Variants in PCDHAC1 observed in about 807,000 individuals in gnomAD.
PCDHAC1 encodes the protein protocadherin alpha subfamily C, 1, also known as protocadherin alpha-C1.
In PCDHAC1, 42 loss-of-function variants were observed where a neutral mutation model predicts 60.0. That is an observed-to-expected ratio of 0.70 (90% CI 0.55 to 0.90). PCDHAC1 has a LOEUF of 0.90. Ranked by LOEUF, PCDHAC1 falls within the 40% of genes least tolerant of loss-of-function variation. The pLI is 0.00. For synonymous variants in PCDHAC1, 468 were observed against 499.3 expected (o/e 0.94, Z 0.84); for missense variants, 1,160 against 1,222.3 (o/e 0.95, Z 0.76).
At chr5:141,009,501 C>G in intron 3 of PCDHAC1, 126 bp from the exon 4 acceptor site, 2 of 1,492,598 alleles carry the variant, frequency 1.3e-6, no homozygotes, top group Non-Finnish European at 1.8e-6. Context: ...CAGACTTGAA[C>G]AAACAACTCG....
rs1411970319 is a variant in PCDHAC1, at chr5:140,927,470, G to A, written c.578G>A (p.Arg193His). The A allele has an allele frequency of 4.3e-6, 7 of 1,614,054 alleles. 1 individual carries two copies. The highest frequency in any genetic ancestry group is 3.3e-5 in the South Asian group (3 of 91,088). ...PELVLEKALD[R>H]EQRATHLLVL... ...TTGGTGTTGGAGAAAGCACTGGATC[G>A]CGAACAGCGCGCCACCCACCTGCTG... Residue 193 changes from arginine (R) to histidine (H), a missense_variant, in exon 1 of 4, where the codon CGC becomes CAC. By Grantham distance (29) the Arg-to-His change is conservative. Around this residue, in one of 3 missense-constraint regions of PCDHAC1, gnomAD observed 1,113 missense variants for 1,163.7 expected, o/e 0.96. Transcript: ENST00000253807.
At chr5:140,931,405 G>C (rs1395168165) in intron 1 of PCDHAC1, among the ~76,000 whole-genome samples, 1 of 151,984 alleles carries the variant, frequency 6.6e-6, no homozygotes, top group South Asian at 2.1e-4. Flanking sequence ...CGATAGGAAG[G>C]CTGATGAATC....
chr5:140,946,374 C>T (rs1371899868), intron 1 of PCDHAC1, among the ~76,000 whole-genome samples: 5 of 151,656 alleles, frequency 3.3e-5, no homozygotes, highest in African/African-American at 9.7e-5. Flanking sequence ...CTCTTGCACA[C>T]GGTTGGTAGG....
chr5:140,935,835 A>G (rs1405712064), intron 1 of PCDHAC1, among the ~76,000 whole-genome samples: 3 of 151,830 alleles, frequency 2.0e-5, no homozygotes, highest in Admixed American at 6.6e-5. Flanking sequence ...CACATATTCC[A>G]TACTGCTTAA....
chr5:140,941,685 A>G (rs983394705), intron 1 of PCDHAC1, among the ~76,000 whole-genome samples: 2 of 151,952 alleles, frequency 1.3e-5, no homozygotes, highest in Non-Finnish European at 2.9e-5. Flanking sequence ...TATTCTGTTT[A>G]CCTCTTTGGG....
chr5:140,948,240 T>C (rs1554218495), intron 1 of PCDHAC1, among the ~76,000 whole-genome samples: 1 of 151,684 alleles, frequency 6.6e-6, no homozygotes, highest in East Asian at 1.9e-4. Flanking sequence ...TGTATTTTAG[T>C]AAATATTTTT....
At chr5:141,006,192 G>A (rs2098259902) in intron 3 of PCDHAC1, among the ~76,000 whole-genome samples, 1 of 150,138 alleles carries the variant, frequency 6.7e-6, no homozygotes, top group African/African-American at 2.5e-5. Context: ...TTTGCTATAT[G>A]TATGTTATGC....
chr5:140,941,462 C>T (rs1323217881), intron 1 of PCDHAC1, among the ~76,000 whole-genome samples: 1 of 150,980 alleles, frequency 6.6e-6, no homozygotes, highest in Non-Finnish European at 1.5e-5. Context: ...ATTACAGGCG[C>T]CCACCACCAC....
At chr5:140,959,506 A>G (rs1554224114) in intron 1 of PCDHAC1, among the ~76,000 whole-genome samples, 6 of 152,226 alleles carry the variant, frequency 3.9e-5, no homozygotes. Flanking sequence ...AAACTAAAAA[A>G]TTTTAAGATC....
At position 141,010,305 on chromosome 5, in the gene PCDHAC1, G is replaced by GT; in HGVS notation, c.*372dup. 1 of 1,548,478 alleles carries GT rather than the reference G, an allele frequency of 6.5e-7. No homozygotes were observed. Among genetic ancestry groups the GT allele is most frequent in the Non-Finnish European group, 8.7e-7 (1 of 1,146,036 alleles). On this transcript the variant is annotated 3_prime_UTR_variant, in exon 4 of 4. Transcript: ENST00000253807. ...TGACACTTGCAGGGCAGGCTGAAAAGTTTTGAGATTGAGCAGCTTGGGAGT... is the reference window on the plus strand; with the variant it reads ...TGACACTTGCAGGGCAGGCTGAAAAGTTTTTGAGATTGAGCAGCTTGGGAGT...
intron 1 of PCDHAC1, chr5:140,969,200 G>C (rs2096305926): frequency 1.2e-6 from 2 of 1,614,132 alleles, no homozygotes; most frequent in Non-Finnish European, 1.7e-6. Flanking sequence ...TTACAATACA[G>C]GGGCCCAGAC....
rs937740656 is a variant in PCDHAC1 at position 140,926,825 on chromosome 5, G to T, written c.-68G>T. ...TCCCCGCGGCTCGTGCTCTCCAGGA[G>T]TCCGGAGCATGGTCCTGGGTCACCG... On this transcript the variant is annotated 5_prime_UTR_variant, in exon 1 of 4. Coordinates refer to ENST00000253807, the MANE Select transcript of PCDHAC1 (RefSeq NM_018898.5). 2 of 1,499,696 alleles carry T rather than the reference G, an allele frequency of 1.3e-6. No homozygotes were observed. Among genetic ancestry groups the T allele is most frequent in the Admixed American group, 4.7e-5 (2 of 42,526 alleles). The allele number at this position is 1,499,696 out of a possible 1,614,324, so 92.9% of individuals were successfully genotyped here. A position where few individuals can be genotyped will look rare whatever the true frequency, so the allele number is the denominator to read the frequency against.
rs2084491623 is a variant in PCDHAC1 at position 140,927,676 on chromosome 5, G to A, written c.784G>A (p.Glu262Lys). Residue 262 changes from glutamate to lysine, a missense_variant, in exon 1 of 4, where the codon GAA becomes AAA. Around this residue, in one of 3 missense-constraint regions of PCDHAC1, gnomAD observed 1,113 missense variants for 1,163.7 expected, o/e 0.96. Transcript: ENST00000253807. ...CCGAGTTCAAGCCTTGGATCCAGAT[G>A]AAGGGTCCAATGGGGAAGTCCAGTA... ...LFRVQALDPD[E>K]GSNGEVQYSL... 6.2e-7 allele frequency: 1 copy of A among 1,614,192 alleles called. No homozygotes were observed. Among genetic ancestry groups the A allele is most frequent in the South Asian group, 1.1e-5 (1 of 91,080 alleles).
chr5:141,005,339 T>C (rs920058303), intron 3 of PCDHAC1, among the ~76,000 whole-genome samples: 5 of 151,926 alleles, frequency 3.3e-5, no homozygotes, highest in African/African-American at 9.7e-5. Context: ...GCCAAGGGGG[T>C]GCTGCTTGGC....
rs782224079 is a variant in PCDHAC1, at chr5:140,928,160, C to G, written c.1268C>G (p.Pro423Arg). Residue 423 changes from proline (P) to arginine (R), a missense_variant, in exon 1 of 4, where the codon CCC (proline) becomes CGC (arginine). This residue lies in a region of PCDHAC1 where 1,113 missense variants were observed against 1,163.7 expected (regional missense o/e 0.96). Transcript: ENST00000253807. ...VLITASDSGS[P>R]PLSTRRTITV... is the part of the protein sequence containing the mutation. ...ATCACGGCCTCAGATAGTGGCTCACCCCCACTTAGCACCCGAAGGACAATC... is the reference window on the plus strand; with the variant it reads ...ATCACGGCCTCAGATAGTGGCTCACGCCCACTTAGCACCCGAAGGACAATC... 6.2e-7 allele frequency: 1 copy of G among 1,614,096 alleles called. No homozygotes were observed. The highest frequency in any genetic ancestry group is 8.5e-7 in the Non-Finnish European group (1 of 1,180,010).
rs370676797 is a variant in PCDHAC1, at chr5:141,009,968, A to G, written c.*31A>G. On this transcript the variant is annotated 3_prime_UTR_variant, in exon 4 of 4. Transcript: ENST00000253807. ...TCAAATGGAAACAAGCCACTTAGCC[A>G]GTTTTTGTAATAATGGCAAATCTCT... 1.4e-5 allele frequency: 22 copies of G among 1,586,626 alleles called. No homozygotes were observed. The highest frequency in any genetic ancestry group is 1.6e-5 in the Non-Finnish European group (19 of 1,169,786).
At chr5:140,949,825 C>G (rs1321892793) in intron 1 of PCDHAC1, among the ~76,000 whole-genome samples, 2 of 151,748 alleles carry the variant, frequency 1.3e-5, no homozygotes, top group African/African-American at 4.8e-5. Flanking sequence ...TATTTGTCCC[C>G]TCTGATTTTG....
intron 1 of PCDHAC1, chr5:140,966,628 C>G (rs944715570): frequency 7.9e-5 from 76 of 964,108 alleles, no homozygotes; most frequent in Non-Finnish European, 1.0e-4. Flanking sequence ...GGGAGCGGCC[C>G]CAGGCGCTTT....
intron 1 of PCDHAC1, among the ~76,000 whole-genome samples, chr5:140,961,915 G>A (rs1393178053): frequency 2.0e-5 from 3 of 147,010 alleles, no homozygotes; most frequent in East Asian, 4.0e-4. Context: ...ATGGAGTCTC[G>A]CTCTGTTGCC....
Sources: gnomAD v4.1 joint callset for allele counts (sites outside exome capture counted in the v4.1 genomes callset) on GRCh38, gnomAD v4.1.1 for gene constraint, gnomAD v4.1.1 regional missense constraint, MANE v1.5 for transcripts, NCBI Gene and HGNC (gene_info 2026-07-23, HGNC 2026-07-21) for gene names.